NUP98: variants seen among roughly 807,000 people sequenced by gnomAD.
NUP98 encodes the protein nucleoporin 98 and 96 precursor, also known as nuclear pore complex protein Nup98-Nup96.
Under a neutral mutation model 191.9 loss-of-function variants are expected in NUP98, and 26 were observed. The observed-to-expected ratio is 0.14, with a 90% CI of 0.10 to 0.19. The LOEUF (loss-of-function observed/expected upper bound fraction) is 0.19, where lower values mean the gene tolerates loss of function less well. NUP98 is among the 10% of genes least tolerant of loss of function. The pLI is 1.00. For synonymous variants in NUP98, 808 were observed against 778.4 expected, an observed-to-expected ratio of 1.04 and a Z score of -0.63; for missense variants, 1,941 against 2,178.8, an observed-to-expected ratio of 0.89 and a Z score of 2.17.
Position 3,702,739 on chromosome 11 carries a change from G to A in NUP98, c.3236C>T (p.Thr1079Ile). 6.2e-7 allele frequency: 1 copy of A among 1,614,196 alleles called. No homozygotes were observed. Among genetic ancestry groups the A allele is most frequent in the South Asian group, 1.1e-5 (1 of 91,082 alleles). Residue 1079 changes from threonine (T) to isoleucine (I), a missense_variant, in exon 23 of 33, where the codon ACA becomes ATA. Thr to Ile is a moderately conservative substitution (Grantham distance 89). This residue lies in a region of NUP98 where 1,030 missense variants were observed against 1,115.8 expected (regional missense o/e 0.92). Coordinates refer to ENST00000324932, the MANE Select transcript of NUP98 (RefSeq NM_016320.5). ...SVPPPLTSVF[T>I]MPSPAPEVPL... The stretch of plus-strand genomic sequence containing the variant: ...AACCTCAGGGGCTGGGCTGGGCATT[G>A]TGAACACAGAAGTCAGGGGTGGAGG...
intron 2 of NUP98, among the ~76,000 whole-genome samples, chr11:3,780,372 T>TA (rs770071322): frequency 2.3e-3 from 206 of 89,444 alleles, no homozygotes; most frequent in Admixed American, 6.9e-3. Flanking sequence ...CCACTTAAAA[T>TA]AAAAAAAAAA....
intron 28 of NUP98, among the ~76,000 whole-genome samples, chr11:3,688,131 A>G (rs10834858): frequency 0.84 from 126,626 of 151,428 alleles, 52,973 homozygotes; most frequent in Middle Eastern, 0.92. Flanking sequence ...TTGGCCGGGC[A>G]CGGTGGCTCA....
At position 3,796,635 on chromosome 11, in the gene NUP98, A is replaced by T. The variant is rs938857645; in HGVS notation, c.-29+765T>A. On this transcript the variant is annotated intron_variant, in intron 1 of 32. Transcript: ENST00000324932. The stretch of plus-strand genomic sequence containing the variant: ...ATGCCGCACCGACCTCCTAAAGGGA[A>T]TTCTTAATAATGGGAGACTGAAATA... 5.9e-5 allele frequency among the ~76,000 whole-genome samples: 9 copies of T among 152,316 alleles called. 1 individual carries two copies. In the East Asian group the frequency reaches 1.7e-3, roughly 29 times the overall value.
chr11:3,764,919 T>C (rs538656525), intron 8 of NUP98, among the ~76,000 whole-genome samples: 140 of 152,256 alleles, frequency 9.2e-4, no homozygotes, highest in African/African-American at 3.1e-3. Context: ...AGGTATAAAG[T>C]GGTTATCTCA....
intron 29 of NUP98, 31 bp from the exon 30 acceptor site, chr11:3,683,472 C>T (rs2078037761): frequency 6.2e-7 from 1 of 1,610,802 alleles, no homozygotes; most frequent in Non-Finnish European, 8.5e-7. Context: ...GAATAAATCC[C>T]ATCCTCATTC....
intron 28 of NUP98, among the ~76,000 whole-genome samples, chr11:3,689,946 T>C (rs1275369873): frequency 1.4e-5 from 2 of 144,406 alleles, no homozygotes; most frequent in African/African-American, 5.2e-5. Flanking sequence ...CTGCATTTTT[T>C]TTTTTTTTTT....
rs774832939 is a variant in NUP98, at chr11:3,735,175, G to C, written c.1542+16C>G. 1 of 1,557,804 alleles carries C rather than the reference G, an allele frequency of 6.4e-7. No individual in the cohort carries two copies. Among genetic ancestry groups the C allele is most frequent in the Non-Finnish European group, 8.7e-7 (1 of 1,151,952 alleles). ...TTCTTTGATATGATATTTTACAGAAGTATCCTTAAATTTACCTCTTCCTTC... is the reference window on the plus strand; with the variant it reads ...TTCTTTGATATGATATTTTACAGAACTATCCTTAAATTTACCTCTTCCTTC... On this transcript the variant is annotated intron_variant, in intron 13 of 32. Transcript: ENST00000324932.
intron 2 of NUP98, among the ~76,000 whole-genome samples, chr11:3,780,081 A>G (rs1248997482): frequency 6.6e-6 from 1 of 152,214 alleles, no homozygotes; most frequent in African/African-American, 2.4e-5. Flanking sequence ...TTCAGGTTTC[A>G]ACTCCAGAGA....
chr11:3,683,462 G>C (rs758819698), intron 29 of NUP98, 21 bp from the exon 30 acceptor site: 6 of 1,612,910 alleles, frequency 3.7e-6, no homozygotes, highest in African/African-American at 1.3e-5. Flanking sequence ...AGATAAGCTA[G>C]AATAAATCCC....
intron 15 of NUP98, among the ~76,000 whole-genome samples, chr11:3,724,344 A>G (rs1282652223): frequency 6.6e-6 from 1 of 151,790 alleles, no homozygotes; most frequent in Non-Finnish European, 1.5e-5. Flanking sequence ...CTGAGGCAGG[A>G]GAATTGCTTG....
intron 12 of NUP98, 33 bp from the exon 13 acceptor site, chr11:3,735,357 T>C (rs763836497): frequency 6.1e-6 from 7 of 1,140,900 alleles, no homozygotes; most frequent in African/African-American, 3.2e-5. Flanking sequence ...ACAAAATATA[T>C]ATATATATAT....
intron 12 of NUP98, among the ~76,000 whole-genome samples, chr11:3,740,887 C>G (rs1350690401): frequency 2.6e-5 from 4 of 150,954 alleles, no homozygotes; most frequent in African/African-American, 9.7e-5. Context: ...GGCGTGACGT[C>G]GGCTCGGTGC....
Position 3,779,221 on chromosome 11 carries a change from C to A in NUP98, c.113G>T (p.Gly38Val). 1 of 1,614,162 alleles carries A rather than the reference C, an allele frequency of 6.2e-7. No individual in the cohort carries two copies. Among genetic ancestry groups the A allele is most frequent in the Non-Finnish European group, 8.5e-7 (1 of 1,180,018 alleles). Reference protein sequence around the residue: ...GFGTTSGGAFGTSAFGSSNNT... With the variant: ...GFGTTSGGAFVTSAFGSSNNT... ...GTTGCTAGAACCAAATGCAGATGTTCCAAATGCCCCTCCACTAGTAGTGCC... is the reference window on the plus strand; with the variant it reads ...GTTGCTAGAACCAAATGCAGATGTTACAAATGCCCCTCCACTAGTAGTGCC... The change falls in exon 3 of 33, where the codon GGA becomes GTA. Residue 38 changes from glycine to valine, a missense_variant. Physicochemically the swap from Gly to Val is moderately radical, Grantham distance 109. Around this residue, in one of 6 missense-constraint regions of NUP98, gnomAD observed 154 missense variants for 182.9 expected, o/e 0.84. Coordinates refer to ENST00000324932, the MANE Select transcript of NUP98 (RefSeq NM_016320.5).
At chr11:3,700,865 T>A (rs779582078) in intron 23 of NUP98, 26 bp from the exon 24 acceptor site, 1 of 1,522,872 alleles carries the variant, frequency 6.6e-7, no homozygotes, top group Non-Finnish European at 9.0e-7. Context: ...AGGAATAGAA[T>A]AGAAAATGAA....
intron 14 of NUP98, among the ~76,000 whole-genome samples, chr11:3,726,265 T>C (rs1157960065): frequency 6.6e-6 from 1 of 151,688 alleles, no homozygotes; most frequent in East Asian, 1.9e-4. Flanking sequence ...TGCATATATT[T>C]GAAAGAAGGA....
intron 12 of NUP98, among the ~76,000 whole-genome samples, chr11:3,743,365 G>A (rs991367448): frequency 2.0e-5 from 3 of 149,950 alleles, no homozygotes; most frequent in East Asian, 2.0e-4. Flanking sequence ...AGTTAATTTC[G>A]GCCTGGCGTG....
chr11:3,683,630 C>T (rs1489087236), intron 29 of NUP98, among the ~76,000 whole-genome samples, 189 bp from the exon 30 acceptor site: 2 of 151,992 alleles, frequency 1.3e-5, no homozygotes, highest in African/African-American at 2.4e-5. Flanking sequence ...ATTCCACCTC[C>T]CAGGTTCAAG....
intron 11 of NUP98, among the ~76,000 whole-genome samples, chr11:3,752,676 T>C (rs1262600820): frequency 2.0e-5 from 3 of 151,912 alleles, no homozygotes; most frequent in Non-Finnish European, 2.9e-5. Context: ...GTCAAACGAA[T>C]TGAAAAAGTA....
intron 7 of NUP98, 132 bp downstream of exon 7, chr11:3,771,616 T>C: frequency 1.4e-6 from 1 of 720,548 alleles, no homozygotes; most frequent in Non-Finnish European, 2.3e-6. Context: ...CATCCAGGCA[T>C]TCCTCCCTAT....
Sources: allele counts gnomAD v4.1 joint callset (sites outside exome capture counted in the v4.1 genomes callset), GRCh38; gene constraint gnomAD v4.1.1; regional missense constraint gnomAD v4.1.1; transcripts MANE v1.5; gene names NCBI Gene and HGNC (gene_info 2026-07-23, HGNC 2026-07-21).